The following C12orf56 variants were observed in gnomAD, a reference collection of about 807,000 sequenced individuals.
C12orf56 encodes uncharacterized protein C12orf56.
A neutral mutation model predicts 69.9 loss-of-function variants in C12orf56; 71 were observed. The ratio of observed to expected loss-of-function variants is 1.02; its 90% CI spans 0.84 to 1.24. The LOEUF (loss-of-function observed/expected upper bound fraction) is 1.24, where lower values mean the gene tolerates loss of function less well. Among genes scored for constraint, C12orf56 ranks in the 50% most tolerant of loss-of-function variants. The pLI, the probability that C12orf56 is intolerant of heterozygous loss-of-function variation, is 0.00. For synonymous variants in C12orf56, 276 were observed against 274.1 expected (o/e 1.01, Z -0.07); for missense variants, 732 against 738.5 (o/e 0.99, Z 0.10).
intron 1 of C12orf56, among the ~76,000 whole-genome samples, chr12:64,358,936 T>A (rs58884271): frequency 0.027 from 4,052 of 152,272 alleles, 193 homozygotes; most frequent in African/African-American, 0.093. Flanking sequence ...TGGTTTCTTC[T>A]TCTTTTTCTT....
intron 3 of C12orf56, among the ~76,000 whole-genome samples, chr12:64,319,675 G>A (rs983055784): frequency 6.6e-6 from 1 of 152,130 alleles, no homozygotes; most frequent in Non-Finnish European, 1.5e-5. Flanking sequence ...TTTAAACACG[G>A]GGCTTGCAAC....
chr12:64,270,000 G>A (rs1487908946), intron 12 of C12orf56, among the ~76,000 whole-genome samples: 2 of 152,158 alleles, frequency 1.3e-5, no homozygotes, highest in African/African-American at 4.8e-5. Flanking sequence ...AGAGTTTGAT[G>A]TTTCACTAGT....
intron 2 of C12orf56, among the ~76,000 whole-genome samples, chr12:64,342,182 A>G (rs1391469982): frequency 6.6e-6 from 1 of 152,206 alleles, no homozygotes; most frequent in Non-Finnish European, 1.5e-5. Context: ...CTTCTTCTGG[A>G]AGCTTCTTCT....
At chr12:64,370,452 A>C (rs898981796) in intron 1 of C12orf56, among the ~76,000 whole-genome samples, 9 of 151,890 alleles carry the variant, frequency 5.9e-5, no homozygotes, top group African/African-American at 2.2e-4. Context: ...GGAGTTTGAG[A>C]CCAGCCTGAC....
intron 8 of C12orf56, among the ~76,000 whole-genome samples, chr12:64,280,679 C>T (rs1409817841): frequency 6.6e-6 from 1 of 152,214 alleles, no homozygotes; most frequent in Non-Finnish European, 1.5e-5. Flanking sequence ...AGTAGGCTTG[C>T]TCTAATCAGG....
At chr12:64,377,005 C>T (rs1348061029) in intron 1 of C12orf56, among the ~76,000 whole-genome samples, 1 of 152,022 alleles carries the variant, frequency 6.6e-6, no homozygotes, top group Admixed American at 6.6e-5. Context: ...TCCTTTTTCT[C>T]CACAATCTCA....
chr12:64,277,800 TC>T lies in C12orf56; in HGVS notation c.1313del (p.Gly438GlufsTer8). The stretch of plus-strand genomic sequence containing the variant: ...AAATTACCAAGAGATTAAATAGTGC[TC>T]CCCTGGAAAAAAATAAATAAAAGGC... The part of the protein sequence containing the change: ...SRLNTLAAKK[G>X]ALFNLLVILI... On this transcript the variant is annotated frameshift_variant and splice_region_variant, in exon 9 of 13. Coordinates refer to ENST00000543942, the MANE Select transcript of C12orf56 (RefSeq NM_001170633.2). LOFTEE classifies it high-confidence loss of function. 6.5e-7 allele frequency: 1 copy of T among 1,549,758 alleles called. No individual in the cohort carries two copies. Among genetic ancestry groups the T allele is most frequent in the Non-Finnish European group, 8.7e-7 (1 of 1,147,170 alleles).
intron 11 of C12orf56, among the ~76,000 whole-genome samples, chr12:64,272,511 A>G (rs1224360713): frequency 2.6e-5 from 4 of 151,440 alleles, no homozygotes; most frequent in South Asian, 4.2e-4. Flanking sequence ...TCTCAAATAA[A>G]TAAATAAATA....
At chr12:64,296,461 G>T (rs1320925914) in intron 6 of C12orf56, among the ~76,000 whole-genome samples, 3 of 152,108 alleles carry the variant, frequency 2.0e-5, no homozygotes, top group Non-Finnish European at 4.4e-5. Context: ...ACTGTATTTT[G>T]TAAGTAGATA....
Position 64,338,501 on chromosome 12 carries a change from AGCAACTGGTACAAACCTGTG to A in C12orf56, c.416-7489_416-7470del. On this transcript the variant is annotated intron_variant, in intron 2 of 12. Transcript: ENST00000543942. ...GCAACAAACAATCATTCAGGGCTCC[AGCAACTGGTACAAACCTGTG>A]GTAAGGTCATCCCTCACTCTGAGGA... The A allele has an allele frequency of 3.9e-6, 4 of 1,036,540 alleles. No homozygotes were observed. The African/African-American group carries it at 6.3e-5, about 16-fold the overall frequency. The allele number at this position is 1,036,540 out of a possible 1,614,324, so 64.2% of individuals were successfully genotyped here. A position where few individuals can be genotyped will look rare whatever the true frequency, so the allele number is the denominator to read the frequency against.
chr12:64,286,709 T>C (rs963630586), intron 6 of C12orf56, among the ~76,000 whole-genome samples: 5 of 152,172 alleles, frequency 3.3e-5, no homozygotes, highest in Non-Finnish European at 5.9e-5. Context: ...TAATGAGAAA[T>C]GTAATGTAAT....
At chr12:64,308,189 G>A (rs2038541222) in intron 5 of C12orf56, among the ~76,000 whole-genome samples, 1 of 152,034 alleles carries the variant, frequency 6.6e-6, no homozygotes, top group Non-Finnish European at 1.5e-5. Context: ...AGGCATGCTG[G>A]TGCACATCTG....
At chr12:64,308,943 G>A (rs12581925) in intron 5 of C12orf56, among the ~76,000 whole-genome samples, 615 of 33,412 alleles carry the variant, frequency 0.018, 16 homozygotes, top group South Asian at 0.059. Flanking sequence ...AAAGAAAGAA[G>A]AAAGAAAGAA....
intron 2 of C12orf56, among the ~76,000 whole-genome samples, chr12:64,346,084 G>A (rs564776872): frequency 1.3e-5 from 2 of 152,168 alleles, no homozygotes; most frequent in African/African-American, 4.8e-5. Flanking sequence ...ATTTGTATTA[G>A]TCAGGGTTCT....
At chr12:64,338,195 C>T in intron 2 of C12orf56, 4 of 583,146 alleles carry the variant, frequency 6.9e-6, no homozygotes, top group Admixed American at 1.9e-5. Flanking sequence ...TTCCTGTTGG[C>T]ATTTGCCCTG....
intron 6 of C12orf56, among the ~76,000 whole-genome samples, chr12:64,299,017 A>G (rs1592431218): frequency 6.6e-6 from 1 of 152,358 alleles, no homozygotes; most frequent in Non-Finnish European, 1.5e-5. Context: ...ATCCATGAGC[A>G]TGAAATGTTT....
intron 2 of C12orf56, among the ~76,000 whole-genome samples, chr12:64,337,581 G>C (rs1373127854): frequency 6.6e-6 from 1 of 152,192 alleles, no homozygotes; most frequent in African/African-American, 2.4e-5. Context: ...CATAGACCAG[G>C]CACAGTGGCT....
chr12:64,357,639 G>A (rs966743088), intron 1 of C12orf56, among the ~76,000 whole-genome samples: 1 of 152,024 alleles, frequency 6.6e-6, no homozygotes, highest in African/African-American at 2.4e-5. Flanking sequence ...GCTCACACCT[G>A]TAATCCCAAC....
chr12:64,360,570 T>C (rs1423172182), intron 1 of C12orf56, among the ~76,000 whole-genome samples: 2 of 152,178 alleles, frequency 1.3e-5, no homozygotes, highest in Non-Finnish European at 2.9e-5. Context: ...TATAAAATAA[T>C]TTTAAAATTT....
Sources: gnomAD v4.1 joint callset for allele counts (sites outside exome capture counted in the v4.1 genomes callset) on GRCh38, gnomAD v4.1.1 for gene constraint, MANE v1.5 for transcripts, NCBI Gene and HGNC (gene_info 2026-07-23, HGNC 2026-07-21) for gene names.